The following ATAD1 variants were observed in gnomAD, a reference collection of about 807,000 sequenced individuals.
The protein encoded by ATAD1 is ATPase family AAA domain containing 1.
A neutral mutation model predicts 42.7 loss-of-function variants in ATAD1; 18 were observed. That is an observed-to-expected ratio of 0.42 (90% CI 0.29 to 0.63). The LOEUF is 0.63. ATAD1 is among the 20% of genes least tolerant of loss of function. ATAD1 has a pLI of 0.19. For synonymous variants in ATAD1, 132 were observed against 143.1 expected (o/e 0.92, Z 0.55); for missense variants, 294 against 440.4 (o/e 0.67, Z 2.98).
intron 1 of ATAD1, among the ~76,000 whole-genome samples, chr10:87,828,673 A>T (rs1857772438): frequency 6.6e-6 from 1 of 152,244 alleles, no homozygotes; most frequent in South Asian, 2.1e-4. Context: ...TATTGGAAGA[A>T]AATGCCATCT....
At chr10:87,807,282 T>C (rs1856970544) in intron 2 of ATAD1, among the ~76,000 whole-genome samples, 1 of 152,178 alleles carries the variant, frequency 6.6e-6, no homozygotes, top group Admixed American at 6.5e-5. Context: ...AGCACTCTTG[T>C]ATGTATCTCC....
intron 9 of ATAD1, among the ~76,000 whole-genome samples, chr10:87,755,036 A>C (rs367916928): frequency 6.6e-6 from 1 of 152,376 alleles, no homozygotes; most frequent in African/African-American, 2.4e-5. Flanking sequence ...TAGAGAAATC[A>C]TAAGGAATTT....
At chr10:87,820,934 G>A (rs1339522095), upstream of ATAD1, among the ~76,000 whole-genome samples, 2 of 152,046 alleles carry the variant, frequency 1.3e-5, no homozygotes, top group Non-Finnish European at 2.9e-5. Context: ...CACAGTAGGG[G>A]CTCAATAAAT....
intron 6 of ATAD1, 31 bp from the exon 7 acceptor site, chr10:87,771,072 A>C (rs1343239644): frequency 6.5e-7 from 1 of 1,538,068 alleles, no homozygotes; most frequent in Non-Finnish European, 9.0e-7. Flanking sequence ...GAAGGTATTA[A>C]ATCTACCAAT....
intron 1 of ATAD1, among the ~76,000 whole-genome samples, chr10:87,837,908 AGAAT>A (rs1248727440): frequency 6.6e-6 from 1 of 152,170 alleles, no homozygotes; most frequent in Admixed American, 6.5e-5. Flanking sequence ...GGGGCACTAG[AGAAT>A]GGAGAACAAA....
chr10:87,829,883 T>A (rs74347470), intron 1 of ATAD1, among the ~76,000 whole-genome samples: 1 of 152,182 alleles, frequency 6.6e-6, no homozygotes, highest in Non-Finnish European at 1.5e-5. Flanking sequence ...TAACAAAGGA[T>A]TTAGAATATT....
chr10:87,838,666 G>T (rs1467282565), intron 1 of ATAD1, among the ~76,000 whole-genome samples: 1 of 152,020 alleles, frequency 6.6e-6, no homozygotes, highest in Non-Finnish European at 1.5e-5. Context: ...ATTAGATGAG[G>T]TCATGAGAGT....
chr10:87,837,031 TA>T (rs1043967582), intron 1 of ATAD1, among the ~76,000 whole-genome samples: 15 of 152,316 alleles, frequency 9.8e-5, no homozygotes, highest in African/African-American at 3.4e-4. Context: ...TTCATTTTTT[TA>T]TTATTTTTTG....
intron 6 of ATAD1, among the ~76,000 whole-genome samples, chr10:87,772,758 T>C (rs1179853074): frequency 2.0e-5 from 3 of 152,112 alleles, no homozygotes; most frequent in Non-Finnish European, 4.4e-5. Flanking sequence ...AAAGCAAAAG[T>C]GATTGAAATC....
intron 4 of ATAD1, 59 bp from the exon 5 acceptor site, chr10:87,784,729 TAATC>T: frequency 1.4e-6 from 2 of 1,474,964 alleles, no homozygotes; most frequent in South Asian, 1.2e-5. Context: ...ATTTATATGA[TAATC>T]AATAGAATAG....
At chr10:87,838,734 T>G (rs1182687318) in intron 1 of ATAD1, among the ~76,000 whole-genome samples, 1 of 150,110 alleles carries the variant, frequency 6.7e-6, no homozygotes, top group Non-Finnish European at 1.5e-5. Context: ...AGCTCATTCA[T>G]ATTCTCTCTC....
upstream of ATAD1, among the ~76,000 whole-genome samples, chr10:87,821,885 A>G (rs982998125): frequency 6.6e-6 from 1 of 152,198 alleles, no homozygotes; most frequent in African/African-American, 2.4e-5. Context: ...TTTGGACTCT[A>G]TTTTGAGAAA....
At chr10:87,826,693 A>T (rs1032921249) in intron 1 of ATAD1, among the ~76,000 whole-genome samples, 1 of 152,174 alleles carries the variant, frequency 6.6e-6, no homozygotes, top group Admixed American at 6.5e-5. Flanking sequence ...TATAGTCATC[A>T]TAGTGTCCTC....
At chr10:87,793,460 T>G (rs1027986763) in intron 2 of ATAD1, among the ~76,000 whole-genome samples, 1 of 152,214 alleles carries the variant, frequency 6.6e-6, no homozygotes, top group Admixed American at 6.5e-5. Context: ...AAGGATTAAC[T>G]TATTGAATCC....
intron 5 of ATAD1, among the ~76,000 whole-genome samples, chr10:87,778,879 G>A (rs1271599330): frequency 1.3e-5 from 2 of 152,000 alleles, no homozygotes; most frequent in Non-Finnish European, 2.9e-5. Flanking sequence ...ACACAAAATG[G>A]ATCACAAATA....
intron 1 of ATAD1, chr10:87,841,139 CT>C (rs1388386191): frequency 6.6e-6 from 1 of 152,078 alleles, no homozygotes; most frequent in Non-Finnish European, 1.5e-5. Context: ...AGTTGTCAAG[CT>C]TTACACTAGA....
intron 1 of ATAD1, among the ~76,000 whole-genome samples, chr10:87,839,497 T>C (rs541203605): frequency 6.6e-6 from 1 of 152,312 alleles, no homozygotes; most frequent in South Asian, 2.1e-4. Context: ...TAGTTTTAAA[T>C]AAATTTTTAT....
chr10:87,806,902 C>A (rs775716582), intron 2 of ATAD1, among the ~76,000 whole-genome samples: 99 of 152,178 alleles, frequency 6.5e-4, no homozygotes, highest in Admixed American at 1.8e-3. Context: ...ATCTGCATAA[C>A]AAACTTTACC....
At chr10:87,759,051 G>A (rs1854359247) in intron 8 of ATAD1, among the ~76,000 whole-genome samples, 1 of 151,938 alleles carries the variant, frequency 6.6e-6, no homozygotes, top group Non-Finnish European at 1.5e-5. Flanking sequence ...ATGTTACCCC[G>A]TGACACAGAA....
Sources: gnomAD v4.1 joint callset for allele counts (sites outside exome capture counted in the v4.1 genomes callset) on GRCh38, gnomAD v4.1.1 for gene constraint, MANE v1.5 for transcripts, NCBI Gene and HGNC (gene_info 2026-07-23, HGNC 2026-07-21) for gene names.